The following TRAPPC9 variants were observed in gnomAD, a reference collection of about 807,000 sequenced individuals.
TRAPPC9 encodes the protein trafficking protein particle complex subunit 9.
TRAPPC9 carries 83 observed loss-of-function variants against 124.0 expected under a neutral mutation model. The ratio of observed to expected loss-of-function variants is 0.67; its 90% CI spans 0.56 to 0.80. TRAPPC9 has a LOEUF of 0.80. Ranked by LOEUF, TRAPPC9 falls within the 30% of genes least tolerant of loss-of-function variation. The pLI, the probability that TRAPPC9 is intolerant of heterozygous loss-of-function variation, is 0.00. For missense variants in TRAPPC9, 1,302 were observed against 1,508.3 expected (o/e 0.86, Z 2.27); for synonymous variants, 638 against 617.5 (o/e 1.03, Z -0.49).
chr8:139,805,789 A>G (rs1048592331), intron 21 of TRAPPC9, among the ~76,000 whole-genome samples: 2 of 152,198 alleles, frequency 1.3e-5, no homozygotes, highest in Admixed American at 6.5e-5. Flanking sequence ...GCTATTAAGT[A>G]TAGACGAAAA....
At chr8:140,430,801 G>T (rs1404495656) in intron 4 of TRAPPC9, among the ~76,000 whole-genome samples, 1 of 152,010 alleles carries the variant, frequency 6.6e-6, no homozygotes, top group Non-Finnish European at 1.5e-5. Flanking sequence ...AACATCCCAG[G>T]CTAATTTTTT....
chr8:140,034,123 T>G (rs1307492887), intron 17 of TRAPPC9, among the ~76,000 whole-genome samples: 1 of 152,206 alleles, frequency 6.6e-6, no homozygotes, highest in East Asian at 1.9e-4. Flanking sequence ...AAGAATTAAT[T>G]TTTGGCTTTG....
intron 19 of TRAPPC9, among the ~76,000 whole-genome samples, chr8:139,925,486 G>A (rs1211736852): frequency 4.6e-5 from 7 of 152,152 alleles, no homozygotes; most frequent in Non-Finnish European, 1.0e-4. Flanking sequence ...GGTGGCTCAC[G>A]CCTGTAATCC....
chr8:139,879,227 C>T (rs561774933), intron 21 of TRAPPC9, among the ~76,000 whole-genome samples: 7 of 152,148 alleles, frequency 4.6e-5, no homozygotes, highest in South Asian at 4.2e-4. Flanking sequence ...GGGGGTGGGG[C>T]GCAGGGAACA....
intron 18 of TRAPPC9, among the ~76,000 whole-genome samples, chr8:140,015,431 C>T (rs946152195): frequency 3.3e-5 from 5 of 152,146 alleles, no homozygotes; most frequent in East Asian, 1.9e-4. Flanking sequence ...CCATGCATCA[C>T]GTAACTTCAA....
chr8:139,744,182 A>G (rs1551758), intron 21 of TRAPPC9, among the ~76,000 whole-genome samples: 149,538 of 152,322 alleles, frequency 0.98, 73,464 homozygotes, highest in Middle Eastern at 1. Context: ...ATTTTATTTC[A>G]ACTCTTTATT....
At chr8:139,939,407 C>T (rs1205977931) in intron 19 of TRAPPC9, among the ~76,000 whole-genome samples, 1 of 152,154 alleles carries the variant, frequency 6.6e-6, no homozygotes. Flanking sequence ...CAGCCCCTGG[C>T]GAGTGAGGAA....
At chr8:140,428,816 G>A (rs1441574816) in intron 4 of TRAPPC9, among the ~76,000 whole-genome samples, 1 of 152,136 alleles carries the variant, frequency 6.6e-6, no homozygotes, top group African/African-American at 2.4e-5. Flanking sequence ...ATGGACTAAA[G>A]TTCTGTTACA....
chr8:139,753,812 G>A (rs111781377), intron 21 of TRAPPC9, among the ~76,000 whole-genome samples: 14 of 152,304 alleles, frequency 9.2e-5, no homozygotes, highest in East Asian at 3.9e-4. Flanking sequence ...TATGAGTAGC[G>A]CTGCCACCTC....
At chr8:140,420,827 C>T (rs899210309) in intron 5 of TRAPPC9, among the ~76,000 whole-genome samples, 1 of 152,014 alleles carries the variant, frequency 6.6e-6, no homozygotes, top group African/African-American at 2.4e-5. Flanking sequence ...ATTTGTATAA[C>T]ATATAAAAAC....
intron 17 of TRAPPC9, among the ~76,000 whole-genome samples, chr8:140,074,102 T>C (rs955206652): frequency 4.6e-5 from 7 of 152,112 alleles, no homozygotes; most frequent in Admixed American, 3.9e-4. Context: ...GTGCTCCCGA[T>C]CACGGACAAA....
intron 21 of TRAPPC9, among the ~76,000 whole-genome samples, chr8:139,766,272 G>A (rs557054744): frequency 6.6e-6 from 1 of 152,194 alleles, no homozygotes; most frequent in Non-Finnish European, 1.5e-5. Context: ...TCTGTAAAAG[G>A]AGGGGGCAGG....
chr8:140,293,486 C>A (rs541348401), intron 11 of TRAPPC9, among the ~76,000 whole-genome samples: 1 of 152,152 alleles, frequency 6.6e-6, no homozygotes, highest in African/African-American at 2.4e-5. Flanking sequence ...CAATGATAGA[C>A]TGGATTAAGG....
intron 21 of TRAPPC9, among the ~76,000 whole-genome samples, chr8:139,869,646 T>C (rs562352783): frequency 3.0e-4 from 46 of 152,332 alleles, no homozygotes; most frequent in African/African-American, 1.1e-3. Flanking sequence ...TGTTTAAAAA[T>C]GTCCATGGCA....
At chr8:139,763,692 A>G (rs764150462) in intron 21 of TRAPPC9, among the ~76,000 whole-genome samples, 1 of 152,242 alleles carries the variant, frequency 6.6e-6, no homozygotes, top group Non-Finnish European at 1.5e-5. Context: ...ACACACGTCG[A>G]TCATTCAGGT....
intron 19 of TRAPPC9, among the ~76,000 whole-genome samples, chr8:139,947,926 A>AGAGAGC (rs1159964781): frequency 6.0e-5 from 8 of 133,534 alleles, no homozygotes; most frequent in Non-Finnish European, 4.8e-5. Flanking sequence ...AGAGAGAGCG[A>AGAGAGC]GAGAGAGAGA....
intron 21 of TRAPPC9, among the ~76,000 whole-genome samples, chr8:139,755,458 T>G (rs1586771180): frequency 8.9e-6 from 1 of 111,824 alleles, no homozygotes; most frequent in South Asian, 3.1e-4. Flanking sequence ...AGCCAGGGTT[T>G]CGGGATGAGG....
At chr8:140,037,278 C>T (rs923674863) in intron 17 of TRAPPC9, among the ~76,000 whole-genome samples, 5 of 151,800 alleles carry the variant, frequency 3.3e-5, no homozygotes, top group African/African-American at 1.2e-4. Context: ...ACAAAACCAG[C>T]TAGTCTTACA....
chr8:140,016,592 T>C (rs1587500624), intron 18 of TRAPPC9, among the ~76,000 whole-genome samples: 1 of 152,304 alleles, frequency 6.6e-6, no homozygotes, highest in African/African-American at 2.4e-5. Context: ...CATCGTAACT[T>C]TGTGCTGACC....
Sources: gnomAD v4.1 joint callset for allele counts (sites outside exome capture counted in the v4.1 genomes callset) on GRCh38, gnomAD v4.1.1 for gene constraint, MANE v1.5 for transcripts, NCBI Gene and HGNC (gene_info 2026-07-23, HGNC 2026-07-21) for gene names.